Variants in HAT1 observed in about 807,000 individuals in gnomAD.
HAT1 encodes the protein histone acetyltransferase type B catalytic subunit.
In HAT1, 20 loss-of-function variants were observed where a neutral mutation model predicts 56.6. That is an observed-to-expected ratio of 0.35 (90% CI 0.25 to 0.51). The LOEUF (loss-of-function observed/expected upper bound fraction) is 0.51, where lower values mean the gene tolerates loss of function less well. HAT1 is among the 20% of genes least tolerant of loss of function. HAT1 has a pLI of 0.95. For missense variants in HAT1, 408 were observed against 504.3 expected, an observed-to-expected ratio of 0.81 and a Z score of 1.83; for synonymous variants, 146 against 165.5, an observed-to-expected ratio of 0.88 and a Z score of 0.91.
rs587686867 is a variant in HAT1, at chr2:171,953,626, T to TAA, written c.309+653_309+654dup. Among the ~76,000 whole-genome samples the TAA allele has an allele frequency of 1.4e-3, 120 of 84,602 alleles. 3 individuals carry two copies. Among genetic ancestry groups the TAA allele is most frequent in the Middle Eastern group, 7.8e-3 (1 of 128 alleles). The allele number at this position is 84,602 out of a possible 152,430, so 55.5% of individuals were successfully genotyped here. ...GGCAACAGAACAAGACCCTGTCTCTTAAAAAAAAAAAAAAAAAAAAAAAAA... is the reference window on the plus strand; with the variant it reads ...GGCAACAGAACAAGACCCTGTCTCTTAAAAAAAAAAAAAAAAAAAAAAAAAAA... On this transcript the variant is annotated intron_variant, in intron 4 of 10. Coordinates refer to ENST00000264108, the MANE Select transcript of HAT1 (RefSeq NM_003642.4).
At chr2:171,941,035 T>C (rs915770701) in intron 2 of HAT1, among the ~76,000 whole-genome samples, 10 of 152,078 alleles carry the variant, frequency 6.6e-5, no homozygotes, top group Non-Finnish European at 1.0e-4. Context: ...AATAAAATAA[T>C]GGGTTGGCAA....
intron 9 of HAT1, among the ~76,000 whole-genome samples, chr2:171,978,924 A>C (rs74788096): frequency 7.5e-6 from 1 of 134,080 alleles, no homozygotes; most frequent in Non-Finnish European, 1.7e-5. Flanking sequence ...CATTTCTACA[A>C]AAAAAAAAAA....
chr2:171,969,925 G>T (rs1030461599), intron 8 of HAT1, among the ~76,000 whole-genome samples: 3 of 152,104 alleles, frequency 2.0e-5, no homozygotes, highest in African/African-American at 7.2e-5. Flanking sequence ...GGCTGAGCTG[G>T]AGGGTTGCTT....
intron 4 of HAT1, among the ~76,000 whole-genome samples, chr2:171,955,380 G>A (rs1687414904): frequency 6.6e-6 from 1 of 152,158 alleles, no homozygotes; most frequent in African/African-American, 2.4e-5. Context: ...AGAAGGCCAA[G>A]GCGGGAGGAT....
chr2:171,945,794 A>G (rs113599146), intron 2 of HAT1, among the ~76,000 whole-genome samples: 8 of 152,026 alleles, frequency 5.3e-5, no homozygotes, highest in African/African-American at 1.9e-4. Context: ...TCAGCCTCCC[A>G]AGTAGCTGGG....
At chr2:171,927,968 C>T (rs1686639397) in intron 2 of HAT1, among the ~76,000 whole-genome samples, 1 of 152,072 alleles carries the variant, frequency 6.6e-6, no homozygotes. Flanking sequence ...CTCACTGAAA[C>T]CTCTGCCTCC....
rs371624911 is a variant in HAT1, at chr2:171,983,321, G to A, written c.1229G>A (p.Arg410Gln). 4 of 1,608,416 alleles carry A rather than the reference G, an allele frequency of 2.5e-6. No homozygotes were observed. The highest frequency in any genetic ancestry group is 3.4e-6 in the Non-Finnish European group (4 of 1,176,736). Residue 410 changes from arginine to glutamine, a missense_variant, in exon 11 of 11, where the codon CGG (arginine) becomes CAG (glutamine). Arg to Gln is a conservative substitution (Grantham distance 43). Coordinates refer to ENST00000264108, the MANE Select transcript of HAT1 (RefSeq NM_003642.4). ...TTTCAGGAACTAGTGGAAGATTACC[G>A]GCGTGTTATTGAACGACTTGCTCAA... is the stretch of plus-strand genomic sequence containing the variant. ...ESFQELVEDY[R>Q]RVIERLAQE
rs766252846 is a variant in HAT1 at position 171,983,367 on chromosome 2, T to C, written c.*15T>C. 2.0e-6 allele frequency: 3 copies of C among 1,535,808 alleles called. No homozygotes were observed. The South Asian group carries it at 3.6e-5, about 19-fold the overall frequency. ...CTCAAGAGTAAAGATTATACTGCTC[T>C]GTACAGGAAGCTTGCAAATTTTCTG... On this transcript the variant is annotated 3_prime_UTR_variant, in exon 11 of 11. Coordinates refer to ENST00000264108, the MANE Select transcript of HAT1 (RefSeq NM_003642.4).
chr2:171,969,337 T>C (rs1306974604), intron 8 of HAT1, among the ~76,000 whole-genome samples: 1 of 152,222 alleles, frequency 6.6e-6, no homozygotes, highest in Non-Finnish European at 1.5e-5. Flanking sequence ...TTTAGAATAT[T>C]ATGTGAATTG....
At chr2:171,973,537 G>A (rs1451869831) in intron 8 of HAT1, among the ~76,000 whole-genome samples, 2 of 152,000 alleles carry the variant, frequency 1.3e-5, no homozygotes, top group South Asian at 2.1e-4. Context: ...CCCGGGCTAC[G>A]GACTGGTACT....
intron 8 of HAT1, among the ~76,000 whole-genome samples, chr2:171,969,311 A>T (rs139374547): frequency 9.0e-4 from 137 of 152,244 alleles, no homozygotes; most frequent in Middle Eastern, 3.4e-3. Context: ...TTGTTCTGGG[A>T]TGTGCCATAT....
At chr2:171,979,909 G>A in intron 10 of HAT1, 1 of 151,678 alleles carries the variant, frequency 6.6e-6, no homozygotes, top group South Asian at 2.1e-4. Context: ...TTGAGGTCAG[G>A]AGTTCAAGAC....
chr2:171,978,110 G>C (rs1688034050), intron 9 of HAT1, among the ~76,000 whole-genome samples: 1 of 147,862 alleles, frequency 6.8e-6, no homozygotes, highest in African/African-American at 2.5e-5. Context: ...CTGAGGTGGA[G>C]TACAGTGGTG....
At chr2:171,947,770 T>C (rs570154172) in intron 3 of HAT1, among the ~76,000 whole-genome samples, 14 of 152,140 alleles carry the variant, frequency 9.2e-5, no homozygotes, top group African/African-American at 3.4e-4. Flanking sequence ...TCCTGGCTAC[T>C]CGGGAGGCTG....
intron 2 of HAT1, among the ~76,000 whole-genome samples, chr2:171,941,790 G>T (rs754072696): frequency 1.2e-4 from 19 of 152,192 alleles, no homozygotes; most frequent in Non-Finnish European, 2.1e-4. Context: ...TTCCTAACAG[G>T]CCACAAACCG....
chr2:171,973,872 C>G (rs532797258), intron 8 of HAT1, among the ~76,000 whole-genome samples: 16 of 152,086 alleles, frequency 1.1e-4, no homozygotes, highest in East Asian at 9.6e-4. Flanking sequence ...GATCACTGCT[C>G]TAATCCATTA....
At chr2:171,957,142 G>A (rs370715966) in intron 4 of HAT1, among the ~76,000 whole-genome samples, 228 of 152,266 alleles carry the variant, frequency 1.5e-3, no homozygotes, top group African/African-American at 5.2e-3. Context: ...ACAAAATGAA[G>A]GAAGGCTGTA....
At chr2:171,957,403 T>C (rs1346029768) in intron 4 of HAT1, among the ~76,000 whole-genome samples, 2 of 152,220 alleles carry the variant, frequency 1.3e-5, no homozygotes, top group Non-Finnish European at 2.9e-5. Context: ...AGAGATTCTA[T>C]AACTGTTGTC....
In HAT1 at chr2:171,965,454, A is replaced by G. The variant is rs1687662219; in HGVS notation, c.426A>G (p.Leu142=). The G allele has an allele frequency of 6.2e-7, 1 of 1,610,524 alleles. No homozygotes were observed. Among genetic ancestry groups the G allele is most frequent in the Non-Finnish European group, 8.5e-7 (1 of 1,177,132 alleles). Residue 142 remains leucine (L), a synonymous_variant, in exon 5 of 11, where the codon TTA becomes TTG. Transcript: ENST00000264108. ...KEVDFKPFGT[L]LHTYSVLSPT... ...TTGATTTCAAGCCATTCGGAACCTT[A>G]CTTCATACCTACTCAGTTCTCAGTC...
Sources: allele counts gnomAD v4.1 joint callset (sites outside exome capture counted in the v4.1 genomes callset), GRCh38; gene constraint gnomAD v4.1.1; transcripts MANE v1.5; gene names NCBI Gene and HGNC (gene_info 2026-07-23, HGNC 2026-07-21).